Variants in COL5A1 observed in about 807,000 individuals in gnomAD.
The protein encoded by COL5A1 is collagen alpha-1(V) chain.
A neutral mutation model predicts 263.7 loss-of-function variants in COL5A1; 16 were observed. The ratio of observed to expected loss-of-function variants is 0.06; its 90% CI spans 0.04 to 0.09. The LOEUF (loss-of-function observed/expected upper bound fraction) is 0.09, where lower values mean the gene tolerates loss of function less well. COL5A1 is among the 10% of genes least tolerant of loss of function. The pLI is 1.00. For missense variants in COL5A1, 2,036 were observed against 2,540.5 expected, an observed-to-expected ratio of 0.80 and a Z score of 4.27; for synonymous variants, 1,012 against 1,004.5, an observed-to-expected ratio of 1.01 and a Z score of -0.14.
At chr9:134,802,824 A>C in intron 38 of COL5A1, 64 bp from the exon 39 acceptor site, 21 of 1,214,614 alleles carry the variant, frequency 1.7e-5, no homozygotes, top group Non-Finnish European at 2.2e-5. Context: ...AGATTTAGGA[A>C]GAGATTCTCA....
rs1157793703 is a variant in COL5A1 at position 134,803,085 on chromosome 9, T to C, written c.3114+90T>C. On this transcript the variant is annotated intron_variant, in intron 39 of 65. Transcript: ENST00000371817. ...GTTTTTCTTGCCCTTTTCTGATGAA[T>C]GGGTAATTCGTCAAACAGACGCTTC... The C allele has an allele frequency of 7.6e-6, 8 of 1,046,190 alleles. No homozygotes were observed. The Admixed American group carries it at 1.6e-4, about 21-fold the overall frequency. 64.8% of individuals were successfully genotyped at this position (1,046,190 alleles called of 1,614,324 possible).
intron 49 of COL5A1, among the ~76,000 whole-genome samples, chr9:134,814,550 C>T (rs550948519): frequency 4.7e-4 from 72 of 152,304 alleles, no homozygotes; most frequent in African/African-American, 1.7e-3. Flanking sequence ...GTCCCTCCCA[C>T]CCAGAGCTGA....
chr9:134,800,130 C>T (rs1265025822), intron 37 of COL5A1, among the ~76,000 whole-genome samples: 1 of 152,232 alleles, frequency 6.6e-6, no homozygotes, highest in East Asian at 1.9e-4. Context: ...CATTATTTCT[C>T]CTAAATGTGA....
At position 134,768,396 on chromosome 9, in the gene COL5A1, C is replaced by T; in HGVS notation, c.2233-14C>T. 1 of 1,613,706 alleles carries T rather than the reference C, an allele frequency of 6.2e-7. No homozygotes were observed. The highest frequency in any genetic ancestry group is 8.5e-7 in the Non-Finnish European group (1 of 1,179,632). ...GGGAGGGCATCTCCTCATGGAGTCT[C>T]TGGTTTGTTCTAGGGTCCCTTGGGG... is the stretch of plus-strand genomic sequence containing the variant. On this transcript the variant is annotated splice_polypyrimidine_tract_variant and intron_variant, in intron 24 of 65. Coordinates refer to ENST00000371817, the MANE Select transcript of COL5A1 (RefSeq NM_000093.5).
intron 23 of COL5A1, 100 bp from the exon 24 acceptor site, chr9:134,767,210 G>A: frequency 6.8e-7 from 1 of 1,467,726 alleles, no homozygotes; most frequent in Admixed American, 1.7e-5. Flanking sequence ...TTGGTGCCTG[G>A]ATGAGGGAGA....
chr9:134,744,479 G>T lies in COL5A1; in HGVS notation c.1494+5671G>T, dbSNP rs566184211. ...CACACTCACCTATACATACACGTATGCATGCACAGTCACCCACACCTGCAC... is the reference window on the plus strand; with the variant it reads ...CACACTCACCTATACATACACGTATTCATGCACAGTCACCCACACCTGCAC... On this transcript the variant is annotated intron_variant, in intron 11 of 65. Transcript: ENST00000371817. Among the ~76,000 whole-genome samples the T allele has an allele frequency of 2.7e-4, 41 of 150,914 alleles. 1 individual carries two copies. Among genetic ancestry groups the T allele is most frequent in the Middle Eastern group, 3.5e-3 (1 of 282 alleles).
At chr9:134,826,865 TGGTGTATGTG>T (rs1339591941) in intron 63 of COL5A1, among the ~76,000 whole-genome samples, 1 of 150,370 alleles carries the variant, frequency 6.7e-6, no homozygotes, top group East Asian at 1.9e-4. Flanking sequence ...TGTGTGTGGC[TGGTGTATGTG>T]GGTGCATGTG....
intron 4 of COL5A1, among the ~76,000 whole-genome samples, chr9:134,725,639 A>G (rs1183220087): frequency 6.6e-6 from 1 of 152,176 alleles, no homozygotes; most frequent in Non-Finnish European, 1.5e-5. Context: ...TAAATTGTTT[A>G]CACATCATGG....
intron 32 of COL5A1, among the ~76,000 whole-genome samples, chr9:134,793,060 C>T (rs1837775262): frequency 6.6e-6 from 1 of 152,074 alleles, no homozygotes; most frequent in Admixed American, 6.5e-5. Flanking sequence ...ATGGCAGGAA[C>T]ATAAGCTGCT....
rs200245996 is a variant in COL5A1, at chr9:134,730,454, C to T, written c.1143C>T (p.Ala381=). The T allele has an allele frequency of 5.6e-5, 90 of 1,614,150 alleles. No homozygotes were observed. In the East Asian group the frequency reaches 1.5e-3, roughly 27 times the overall value. The change falls in exon 7 of 66, where the codon GCC becomes GCT. Residue 381 remains alanine, a synonymous_variant. Transcript: ENST00000371817. ...GAGAEIPTST[A]DTSNSSNPAP... is the part of the protein sequence containing the mutation. ...GGGCCGAAATTCCCACCAGCACCGCCGACACCTCCAACTCCTCCAATGTAA... is the reference window on the plus strand; with the variant it reads ...GGGCCGAAATTCCCACCAGCACCGCTGACACCTCCAACTCCTCCAATGTAA...
chr9:134,780,278 T>G (rs1837204050), intron 28 of COL5A1, 132 bp downstream of exon 28: 2 of 868,754 alleles, frequency 2.3e-6, no homozygotes, highest in South Asian at 2.7e-5. Context: ...CTGAGGGGGA[T>G]GGATGCCACT....
intron 32 of COL5A1, among the ~76,000 whole-genome samples, chr9:134,793,421 G>T (rs114357385): frequency 8.2e-4 from 125 of 152,268 alleles, no homozygotes; most frequent in African/African-American, 2.9e-3. Flanking sequence ...CAGTCACAGG[G>T]ACTCGAGATT....
At chr9:134,836,795 C>T (rs1043908626) in intron 65 of COL5A1, among the ~76,000 whole-genome samples, 1 of 152,252 alleles carries the variant, frequency 6.6e-6, no homozygotes, top group Non-Finnish European at 1.5e-5. Flanking sequence ...CTCCCAGGGC[C>T]ATCCCGCGGC....
At chr9:134,711,034 G>C (rs935474293) in intron 4 of COL5A1, among the ~76,000 whole-genome samples, 1 of 152,006 alleles carries the variant, frequency 6.6e-6, no homozygotes, top group Non-Finnish European at 1.5e-5. Context: ...GGGTGCAGTG[G>C]TGGGGGAGGG....
intron 27 of COL5A1, 44 bp downstream of exon 27, chr9:134,774,956 G>T: frequency 6.3e-7 from 1 of 1,582,762 alleles, no homozygotes; most frequent in Non-Finnish European, 8.7e-7. Flanking sequence ...GGAGGTCAGG[G>T]TTGGGACTGT....
chr9:134,794,629 T>A lies in COL5A1; in HGVS notation c.2701-453T>A, dbSNP rs1837829315. The stretch of plus-strand genomic sequence containing the variant: ...CAGAGCCTGTTGAAAATTTAATGGC[T>A]AATATTCTTAACTGTAGCAAAAGTA... On this transcript the variant is annotated intron_variant, in intron 32 of 65. Transcript: ENST00000371817. The surrounding 1 kb of genome is among the most constrained non-coding windows in gnomAD (Gnocchi z 4.3). 6.6e-6 allele frequency among the ~76,000 whole-genome samples: 1 copy of A among 152,230 alleles called. No individual in the cohort carries two copies.
intron 11 of COL5A1, among the ~76,000 whole-genome samples, chr9:134,746,680 C>T (rs900673873): frequency 2.0e-5 from 3 of 152,258 alleles, no homozygotes; most frequent in Admixed American, 6.5e-5. Flanking sequence ...CACTGAGAGC[C>T]CTCCTGTGCC....
intron 29 of COL5A1, 72 bp from the exon 30 acceptor site, chr9:134,784,917 T>C (rs1173553443): frequency 3.1e-6 from 4 of 1,295,524 alleles, no homozygotes; most frequent in Non-Finnish European, 4.5e-6. Context: ...TGCTCCTTGC[T>C]CTCAGAATGG....
chr9:134,765,764 C>A lies in COL5A1; in HGVS notation c.2088+30C>A. On this transcript the variant is annotated intron_variant, in intron 21 of 65. Transcript: ENST00000371817. The surrounding 1 kb of genome is among the most constrained non-coding windows in gnomAD (Gnocchi z 5.1). ...GTCCCATTACCGCCCTGCTTGTCTG[C>A]CCCCATCTCGGCCTTTGAGACCCCG... 1 of 1,600,318 alleles carries A rather than the reference C, an allele frequency of 6.2e-7. No homozygotes were observed. Among genetic ancestry groups the A allele is most frequent in the Non-Finnish European group, 8.5e-7 (1 of 1,170,008 alleles).
Sources: gnomAD v4.1 joint callset for allele counts (sites outside exome capture counted in the v4.1 genomes callset) on GRCh38, gnomAD v4.1.1 for gene constraint, Gnocchi (gnomAD v3.1) non-coding constraint, MANE v1.5 for transcripts, NCBI Gene and HGNC (gene_info 2026-07-23, HGNC 2026-07-21) for gene names.